The following PDE4A variants were observed in gnomAD, a reference collection of about 807,000 sequenced individuals.
PDE4A encodes phosphodiesterase 4A.
Under a neutral mutation model 73.9 loss-of-function variants are expected in PDE4A, and 21 were observed. The observed-to-expected ratio is 0.28, with a 90% CI of 0.20 to 0.41. The LOEUF (loss-of-function observed/expected upper bound fraction) is 0.41, where lower values mean the gene tolerates loss of function less well. Ranked by LOEUF, PDE4A falls within the 10% of genes least tolerant of loss-of-function variation. The pLI is 1.00. For synonymous variants in PDE4A, 463 were observed against 505.4 expected (o/e 0.92, Z 1.13); for missense variants, 958 against 1,211.4 (o/e 0.79, Z 3.10).
At chr19:10,418,270 C>T (rs957717622), upstream of PDE4A, among the ~76,000 whole-genome samples, 3 of 152,184 alleles carry the variant, frequency 2.0e-5, no homozygotes, top group Non-Finnish European at 4.4e-5. Flanking sequence ...TAGTATTTTT[C>T]TTTCTCCTGG....
intron 7 of PDE4A, 114 bp downstream of exon 7, chr19:10,455,036 TC>T: frequency 1.0e-6 from 1 of 956,132 alleles, no homozygotes. Flanking sequence ...GACTCTCAAC[TC>T]CCCAAAGGTC....
In PDE4A at chr19:10,462,006, C is replaced by T; in HGVS notation, c.1743+7C>T. On this transcript the variant is annotated splice_region_variant and intron_variant, in intron 13 of 14. Coordinates refer to ENST00000380702, the MANE Select transcript of PDE4A (RefSeq NM_001111307.2). Reference sequence around the variant, plus strand: ...CTACTCCGACCGCATCCAGGTGCCCCCACGCCCCATCATCTAAGGAGGGAG... The same window carrying T: ...CTACTCCGACCGCATCCAGGTGCCCTCACGCCCCATCATCTAAGGAGGGAG... 6.2e-7 allele frequency: 1 copy of T among 1,610,150 alleles called. No homozygotes were observed.
chr19:10,429,994 T>G (rs1465197323), intron 1 of PDE4A, among the ~76,000 whole-genome samples: 1 of 151,686 alleles, frequency 6.6e-6, no homozygotes, highest in Non-Finnish European at 1.5e-5. Context: ...TAGGATTTGG[T>G]GGGAACCTAT....
At chr19:10,417,181 C>T, upstream of PDE4A, 3 of 983,444 alleles carry the variant, frequency 3.1e-6, no homozygotes, top group Non-Finnish European at 3.6e-6. Context: ...GGCTCTCAGC[C>T]GGCCCAGGGA....
In PDE4A at chr19:10,420,641, C is replaced by A. The variant is rs2042636807; in HGVS notation, c.-124C>A. The A allele has an allele frequency of 7.4e-7, 1 of 1,347,076 alleles. No individual in the cohort carries two copies. Among genetic ancestry groups the A allele is most frequent in the Non-Finnish European group, 9.5e-7 (1 of 1,056,524 alleles). The allele number at this position is 1,347,076 out of a possible 1,614,324, so 83.4% of individuals were successfully genotyped here. On this transcript the variant is annotated 5_prime_UTR_variant, in exon 1 of 15. Transcript: ENST00000380702. This position sits in a 1 kb window ranked among gnomAD's most constrained non-coding sequence, Gnocchi z 6.0. ...AGCGCCCCCGGGTCTGTCCCCGGGG[C>A]GCCATGGCCCTACCGCGGCCGGGCG...
intron 1 of PDE4A, among the ~76,000 whole-genome samples, chr19:10,429,673 AG>A (rs1417862942): frequency 6.6e-6 from 1 of 152,178 alleles, no homozygotes; most frequent in East Asian, 1.9e-4. Flanking sequence ...GACACATCTC[AG>A]AAGCTGTGGG....
In PDE4A at chr19:10,468,924, G is replaced by C. The variant is rs771217065; in HGVS notation, c.*1303G>C. The stretch of plus-strand genomic sequence containing the variant: ...CTCTCTCCCTCCTCCCCTCGCCCTC[G>C]GCCTGGTTCTGCAGCTGGACCGACC... On this transcript the variant is annotated 3_prime_UTR_variant, in exon 15 of 15. Transcript: ENST00000380702. The C allele has an allele frequency of 1.3e-5, 2 of 152,698 alleles. No individual in the cohort carries two copies. The highest frequency in any genetic ancestry group is 6.6e-5 in the Admixed American group (1 of 15,226). 9.5% of individuals were successfully genotyped at this position (152,698 alleles called of 1,614,324 possible). A position where few individuals can be genotyped will look rare whatever the true frequency, so the allele number is the denominator to read the frequency against.
rs1275825691 is a variant in PDE4A, at chr19:10,446,321, C to T, written c.424C>T (p.Arg142Cys). Residue 142 changes from arginine (R) to cysteine (C), a missense_variant, in exon 2 of 15, where the codon CGC (arginine) becomes TGC (cysteine). Around this residue, in one of 3 missense-constraint regions of PDE4A, gnomAD observed 570 missense variants for 827.7 expected, o/e 0.69. Coordinates refer to ENST00000380702, the MANE Select transcript of PDE4A (RefSeq NM_001111307.2). ...VLHAGAATSQ[R>C]RESFLYRSDS... is the part of the protein sequence containing the mutation. The stretch of plus-strand genomic sequence containing the variant: ...GCACGCCGGGGCGGCCACCAGCCAG[C>T]GCCGGGAGTCCTTCCTGTACCGCTC... 5.6e-6 allele frequency: 9 copies of T among 1,613,462 alleles called. No individual in the cohort carries two copies. The highest frequency in any genetic ancestry group is 3.3e-5 in the Admixed American group (2 of 59,922).
In PDE4A at chr19:10,457,881, A is replaced by C; in HGVS notation, c.880A>C (p.Lys294Gln). The change falls in exon 8 of 15, where the codon AAA (lysine) becomes CAA (glutamine). Residue 294 changes from lysine to glutamine, a missense_variant and splice_region_variant. Coordinates refer to ENST00000380702, the MANE Select transcript of PDE4A (RefSeq NM_001111307.2). ...TTCCTGCTCCCCATCTTCTGCAGAC[A>C]AACAGAATGAAGTGGAGATCCCATC... ...SEYISTTFLD[K>Q]QNEVEIPSPT... The C allele has an allele frequency of 6.2e-7, 1 of 1,612,166 alleles. No individual in the cohort carries two copies. Among genetic ancestry groups the C allele is most frequent in the South Asian group, 1.1e-5 (1 of 91,000 alleles).
Position 10,454,587 on chromosome 19 carries a change from C to G in PDE4A, c.784-242C>G, listed in dbSNP as rs906641062. On this transcript the variant is annotated intron_variant, in intron 6 of 14. Coordinates refer to ENST00000380702, the MANE Select transcript of PDE4A (RefSeq NM_001111307.2). ...GGGGGAGATGAGGAGGGAAGCCCCT[C>G]TTTCCTCAGGCAGGGAGGGTTATGC... Among the ~76,000 whole-genome samples, 12 of 152,180 alleles carry G rather than the reference C, an allele frequency of 7.9e-5. 1 individual carries two copies. The highest frequency in any genetic ancestry group is 2.9e-4 in the African/African-American group (12 of 41,462).
intron 7 of PDE4A, among the ~76,000 whole-genome samples, chr19:10,456,925 C>T (rs768903576): frequency 1.1e-4 from 16 of 151,764 alleles, no homozygotes; most frequent in East Asian, 1.9e-4. Flanking sequence ...GGGCTGGGTG[C>T]GGTGGCTCAC....
chr19:10,457,788 T>G (rs1020183174), intron 7 of PDE4A, 91 bp from the exon 8 acceptor site: 2 of 1,550,610 alleles, frequency 1.3e-6, no homozygotes, highest in African/African-American at 2.7e-5. Flanking sequence ...CGGGTGAGCC[T>G]TCCCCGTACG....
At chr19:10,462,547 C>T (rs571854990) in intron 13 of PDE4A, among the ~76,000 whole-genome samples, 1 of 152,244 alleles carries the variant, frequency 6.6e-6, no homozygotes, top group African/African-American at 2.4e-5. Context: ...GTCTCAAACT[C>T]CTGAGCTGAA....
At position 10,467,167 on chromosome 19, in the gene PDE4A, C is replaced by A. The variant is rs1051738; in HGVS notation, c.2207C>A (p.Ala736Glu). The A allele has an allele frequency of 0.18, 292,549 of 1,613,952 alleles. 27,859 individuals are homozygous for A. Among genetic ancestry groups the A allele is most frequent in the African/African-American group, 0.29 (21,823 of 74,980 alleles). Residue 736 changes from alanine to glutamate, a missense_variant, in exon 15 of 15, where the codon GCG (alanine) becomes GAG (glutamate). Physicochemically the swap from Ala to Glu is moderately radical, Grantham distance 107. Coordinates refer to ENST00000380702, the MANE Select transcript of PDE4A (RefSeq NM_001111307.2). ...TGCACAGCCCAAGAGGCATTGACTG[C>A]GCAGGGATTGTCAGGAGTCGAGGAA... ...IPCTAQEALT[A>E]QGLSGVEEAL...
chr19:10,467,901 C>T lies in PDE4A; in HGVS notation c.*280C>T. Reference sequence around the variant, plus strand: ...AATTGTAACATTTTTAGAAAAAGAACAAAAAAAGAAAAAAAAAAGAAAGAA... The same window carrying T: ...AATTGTAACATTTTTAGAAAAAGAATAAAAAAAGAAAAAAAAAAGAAAGAA... On this transcript the variant is annotated 3_prime_UTR_variant, in exon 15 of 15. Transcript: ENST00000380702. 3.5e-6 allele frequency: 1 copy of T among 285,068 alleles called. No homozygotes were observed. The highest frequency in any genetic ancestry group is 6.4e-6 in the Non-Finnish European group (1 of 155,914). 17.7% of individuals were successfully genotyped at this position (285,068 alleles called of 1,614,324 possible).
At chr19:10,450,457 G>T (rs1255511881) in intron 4 of PDE4A, 146 bp from the exon 5 acceptor site, 3 of 1,425,410 alleles carry the variant, frequency 2.1e-6, no homozygotes, top group East Asian at 2.5e-5. Flanking sequence ...ACTCATTGAG[G>T]CTGCAGGCAG....
In PDE4A at chr19:10,467,319, G is replaced by A. The variant is rs2043394078; in HGVS notation, c.2359G>A (p.Gly787Ser). 1 of 1,614,084 alleles carries A rather than the reference G, an allele frequency of 6.2e-7. No individual in the cohort carries two copies. The highest frequency in any genetic ancestry group is 1.7e-5 in the Admixed American group (1 of 59,980). ...TTTGACACAGCAGGCACAGTCCACA[G>A]GCAGTGCACCTGTGGCTCCGGATGA... is the stretch of plus-strand genomic sequence containing the variant. The part of the protein sequence containing the change: ...VYLTQQAQST[G>S]SAPVAPDEFS... The change falls in exon 15 of 15, where the codon GGC becomes AGC. Residue 787 changes from glycine (G) to serine (S), a missense_variant. Physicochemically the swap from Gly to Ser is moderately conservative, Grantham distance 56 (BLOSUM62 0). Coordinates refer to ENST00000380702, the MANE Select transcript of PDE4A (RefSeq NM_001111307.2).
intron 7 of PDE4A, among the ~76,000 whole-genome samples, chr19:10,455,833 T>C (rs534758000): frequency 2.0e-5 from 3 of 151,136 alleles, no homozygotes; most frequent in Non-Finnish European, 2.9e-5. Context: ...CCAAATTCAA[T>C]AGAATTTCCA....
chr19:10,420,669 C>G lies in PDE4A; in HGVS notation c.-96C>G. The G allele has an allele frequency of 7.3e-7, 1 of 1,367,252 alleles. No individual in the cohort carries two copies. The allele number at this position is 1,367,252 out of a possible 1,614,324, so 84.7% of individuals were successfully genotyped here. A position where few individuals can be genotyped will look rare whatever the true frequency, so the allele number is the denominator to read the frequency against. The stretch of plus-strand genomic sequence containing the variant: ...CATGGCCCTACCGCGGCCGGGCGCA[C>G]CCGCGGGGCCCTGGGCTCGCTGGCT... On this transcript the variant is annotated 5_prime_UTR_variant, in exon 1 of 15. Transcript: ENST00000380702. The surrounding 1 kb of genome is among the most constrained non-coding windows in gnomAD (Gnocchi z 6.0).
Sources: allele counts gnomAD v4.1 joint callset (sites outside exome capture counted in the v4.1 genomes callset), GRCh38; gene constraint gnomAD v4.1.1; regional missense constraint gnomAD v4.1.1; non-coding constraint Gnocchi (gnomAD v3.1); transcripts MANE v1.5; gene names NCBI Gene and HGNC (gene_info 2026-07-23, HGNC 2026-07-21).